The following STX8 variants were observed in gnomAD, a reference collection of about 807,000 sequenced individuals.
The protein encoded by STX8 is syntaxin 8, also known as syntaxin-8.
Under a neutral mutation model 37.5 loss-of-function variants are expected in STX8, and 23 were observed. That is an observed-to-expected ratio of 0.61 (90% CI 0.44 to 0.87). The LOEUF (loss-of-function observed/expected upper bound fraction) is 0.87, where lower values mean the gene tolerates loss of function less well. Ranked by LOEUF, STX8 falls within the 40% of genes least tolerant of loss-of-function variation. STX8 has a pLI of 0.00. For missense variants in STX8, 313 were observed against 284.7 expected, an observed-to-expected ratio of 1.10 and a Z score of -0.71; for synonymous variants, 115 against 99.1, an observed-to-expected ratio of 1.16 and a Z score of -0.95.
intron 6 of STX8, among the ~76,000 whole-genome samples, chr17:9,396,464 T>C (rs925659895): frequency 6.6e-6 from 1 of 151,568 alleles, no homozygotes; most frequent in Non-Finnish European, 1.5e-5. Context: ...GGGCGGGTCA[T>C]CTGAGGTCAG....
chr17:9,271,919 G>T (rs35268767), intron 7 of STX8, among the ~76,000 whole-genome samples: 19,294 of 152,048 alleles, frequency 0.13, 1,317 homozygotes, highest in African/African-American at 0.17. Flanking sequence ...TTTCTCTGGC[G>T]ACTATAAGTA....
At chr17:9,522,420 G>A (rs185495644) in intron 4 of STX8, among the ~76,000 whole-genome samples, 113 of 152,066 alleles carry the variant, frequency 7.4e-4, no homozygotes, top group African/African-American at 2.1e-3. Flanking sequence ...CCTATCGGCC[G>A]GGCACGGTGG....
intron 7 of STX8, among the ~76,000 whole-genome samples, chr17:9,300,203 T>C (rs902227924): frequency 1.4e-4 from 22 of 151,876 alleles, no homozygotes; most frequent in African/African-American, 5.3e-4. Context: ...TGGTGGCGCA[T>C]GCCTGTAATC....
At chr17:9,512,721 A>G (rs12103742) in intron 4 of STX8, among the ~76,000 whole-genome samples, 10,691 of 152,158 alleles carry the variant, frequency 0.07, 1,312 homozygotes, top group African/African-American at 0.24. Context: ...GGGATCACAG[A>G]TGTGAACCCA....
chr17:9,343,794 C>G (rs1910448593), intron 7 of STX8, among the ~76,000 whole-genome samples: 1 of 152,156 alleles, frequency 6.6e-6, no homozygotes, highest in Admixed American at 6.6e-5. Context: ...ATAGGGCCTC[C>G]CTTCTGCTGC....
intron 6 of STX8, among the ~76,000 whole-genome samples, chr17:9,419,371 T>C (rs1274555252): frequency 6.6e-6 from 1 of 152,200 alleles, no homozygotes; most frequent in East Asian, 1.9e-4. Flanking sequence ...TAAGCCACCA[T>C]TAATTGCTTT....
intron 6 of STX8, among the ~76,000 whole-genome samples, chr17:9,459,629 C>A (rs1020044552): frequency 6.6e-6 from 1 of 152,228 alleles, no homozygotes; most frequent in Admixed American, 6.5e-5. Context: ...CATTCTCCTG[C>A]TTTAACCTCC....
rs544973313 is a variant in STX8 at position 9,410,932 on chromosome 17, G to C, written c.542-32279C>G. Among the ~76,000 whole-genome samples, 20 of 152,182 alleles carry C rather than the reference G, an allele frequency of 1.3e-4. No homozygotes were observed. The East Asian group carries it at 3.9e-3, about 29-fold the overall frequency. On this transcript the variant is annotated intron_variant, in intron 6 of 7. Coordinates refer to ENST00000306357, the MANE Select transcript of STX8 (RefSeq NM_004853.3). ...AAAATCTCAACTCATTTACTCAATG[G>C]GCAATCAACAAACATTTACAATACA...
At chr17:9,550,223 CAAA>C (rs879537758) in intron 3 of STX8, among the ~76,000 whole-genome samples, 1 of 124,820 alleles carries the variant, frequency 8.0e-6, no homozygotes, top group Non-Finnish European at 1.7e-5. Context: ...GACTCCATCT[CAAA>C]AAAAAAAAAA....
intron 6 of STX8, among the ~76,000 whole-genome samples, chr17:9,465,878 TAAGTG>T (rs953315320): frequency 6.6e-6 from 1 of 152,162 alleles, no homozygotes; most frequent in Non-Finnish European, 1.5e-5. Flanking sequence ...TTGAGAAGAT[TAAGTG>T]AATTGCTCTT....
At chr17:9,323,602 C>T (rs11871425) in intron 7 of STX8, among the ~76,000 whole-genome samples, 2,220 of 152,050 alleles carry the variant, frequency 0.015, 63 homozygotes, top group African/African-American at 0.05. Flanking sequence ...CCTCTCTGTA[C>T]AAGGCACCGT....
intron 6 of STX8, among the ~76,000 whole-genome samples, chr17:9,432,203 T>G (rs898609646): frequency 6.6e-6 from 1 of 152,240 alleles, no homozygotes; most frequent in Non-Finnish European, 1.5e-5. Flanking sequence ...TCCAATTGAT[T>G]TTGTAAGTTT....
intron 6 of STX8, among the ~76,000 whole-genome samples, chr17:9,463,326 T>C (rs541534772): frequency 3.9e-5 from 6 of 152,320 alleles, no homozygotes; most frequent in Admixed American, 3.9e-4. Context: ...TGGAACAGAG[T>C]GAGCACCCAA....
At chr17:9,438,658 G>A (rs988969027) in intron 6 of STX8, among the ~76,000 whole-genome samples, 1 of 152,062 alleles carries the variant, frequency 6.6e-6, no homozygotes, top group African/African-American at 2.4e-5. Context: ...GCCGGGCGTG[G>A]TGGCTCACGT....
At chr17:9,298,446 T>A (rs184852345) in intron 7 of STX8, among the ~76,000 whole-genome samples, 121 of 152,272 alleles carry the variant, frequency 7.9e-4, no homozygotes, top group Middle Eastern at 3.4e-3. Flanking sequence ...CCACGTGCAC[T>A]CCTGCTTTGT....
chr17:9,438,610 C>G (rs551367175), intron 6 of STX8, among the ~76,000 whole-genome samples: 1 of 151,996 alleles, frequency 6.6e-6, no homozygotes, highest in Non-Finnish European at 1.5e-5. Context: ...ACTGCTGTTG[C>G]GGTGCAAAAG....
rs75558829 is a variant in STX8 at position 9,490,874 on chromosome 17, C to A, written c.541+955G>T. Among the ~76,000 whole-genome samples the A allele has an allele frequency of 1.2e-3, 181 of 152,330 alleles. 1 individual carries two copies. Among genetic ancestry groups the A allele is most frequent in the African/African-American group, 4.2e-3 (173 of 41,574 alleles). On this transcript the variant is annotated intron_variant, in intron 6 of 7. Coordinates refer to ENST00000306357, the MANE Select transcript of STX8 (RefSeq NM_004853.3). ...AGCGATGTGGTCTCAGGGGGCCCTGCAGCCACTCTGAGTTTTGCCTCTCAC... is the reference window on the plus strand; with the variant it reads ...AGCGATGTGGTCTCAGGGGGCCCTGAAGCCACTCTGAGTTTTGCCTCTCAC...
At chr17:9,394,022 GT>G (rs1328744378) in intron 6 of STX8, among the ~76,000 whole-genome samples, 1 of 152,064 alleles carries the variant, frequency 6.6e-6, no homozygotes, top group African/African-American at 2.4e-5. Context: ...AGAGATACAG[GT>G]AAAGGTAGAA....
In STX8 at chr17:9,286,012, G is replaced by A. The variant is rs116718533; in HGVS notation, c.644-35367C>T. Among the ~76,000 whole-genome samples the A allele has an allele frequency of 5.1e-3, 774 of 152,068 alleles. 7 individuals are homozygous for A. Among genetic ancestry groups the A allele is most frequent in the African/African-American group, 0.018 (737 of 41,484 alleles). ...CTATATGGAGCGCTTTGGAAACGCC[G>A]AGGGAAATAGCAGACTTGGTAAGGC... is the stretch of plus-strand genomic sequence containing the variant. On this transcript the variant is annotated intron_variant, in intron 7 of 7. Coordinates refer to ENST00000306357, the MANE Select transcript of STX8 (RefSeq NM_004853.3).
Sources: allele counts gnomAD v4.1 joint callset (sites outside exome capture counted in the v4.1 genomes callset), GRCh38; gene constraint gnomAD v4.1.1; transcripts MANE v1.5; gene names NCBI Gene and HGNC (gene_info 2026-07-23, HGNC 2026-07-21).